Variants in TOP2B observed in about 807,000 individuals in gnomAD.
TOP2B encodes the protein DNA topoisomerase II beta.
In TOP2B, 51 loss-of-function variants were observed where a neutral mutation model predicts 193.5. The observed-to-expected ratio is 0.26, with a 90% CI of 0.21 to 0.33. TOP2B has a LOEUF of 0.33. TOP2B is among the 10% of genes least tolerant of loss of function. TOP2B has a pLI of 1.00. For synonymous variants in TOP2B, 634 were observed against 635.7 expected, an observed-to-expected ratio of 1.00 and a Z score of 0.04; for missense variants, 1,378 against 1,909.3, an observed-to-expected ratio of 0.72 and a Z score of 5.19.
chr3:25,608,304 C>T (rs1702285797), intron 30 of TOP2B, among the ~76,000 whole-genome samples: 1 of 152,132 alleles, frequency 6.6e-6, no homozygotes, highest in Non-Finnish European at 1.5e-5. Context: ...ATTATAATTT[C>T]TAGCATGTAT....
At chr3:25,651,629 A>C (rs1156680227) in intron 1 of TOP2B, among the ~76,000 whole-genome samples, 6 of 151,960 alleles carry the variant, frequency 3.9e-5, no homozygotes, top group South Asian at 2.1e-4. Flanking sequence ...ACTTTGGGAG[A>C]CCAAGGTGGG....
chr3:25,642,628 TACATATTAATCAAA>T (rs760050511), intron 3 of TOP2B, among the ~76,000 whole-genome samples: 29 of 152,164 alleles, frequency 1.9e-4, no homozygotes, highest in Non-Finnish European at 3.7e-4. Context: ...GTTTTAGTGA[TACATATTAATCAAA>T]ACATATTAAG....
intron 1 of TOP2B, among the ~76,000 whole-genome samples, chr3:25,649,703 A>C (rs1156466833): frequency 1.3e-5 from 2 of 152,122 alleles, no homozygotes; most frequent in East Asian, 3.8e-4. Flanking sequence ...TTAGATAAAC[A>C]AACACTGGGA....
chr3:25,623,431 G>T (rs1702715355), intron 21 of TOP2B, 84 bp downstream of exon 21: 1 of 1,235,364 alleles, frequency 8.1e-7, no homozygotes, highest in South Asian at 1.4e-5. Flanking sequence ...AAATAAAAAT[G>T]TTCCATTACT....
intron 34 of TOP2B, 41 bp from the exon 35 acceptor site, chr3:25,599,570 G>A: frequency 1.3e-6 from 2 of 1,554,268 alleles, no homozygotes; most frequent in Non-Finnish European, 1.8e-6. Flanking sequence ...GTGGTTAAGT[G>A]CAATATAAAA....
chr3:25,617,173 A>G (rs1702525404), intron 25 of TOP2B, among the ~76,000 whole-genome samples: 1 of 152,152 alleles, frequency 6.6e-6, no homozygotes, highest in Non-Finnish European at 1.5e-5. Context: ...AGAAATCTTT[A>G]TCTTTTAAGA....
Position 25,664,211 on chromosome 3 carries a change from C to G in TOP2B, c.69+18G>C. The G allele has an allele frequency of 1.3e-6, 2 of 1,539,276 alleles. No individual in the cohort carries two copies. Among genetic ancestry groups the G allele is most frequent in the Non-Finnish European group, 1.7e-6 (2 of 1,146,176 alleles). ...CCCGGAACAATGCAGCCGCCCGTCCCGGGGACCAGCCACTTACCACCCAGG... is the reference window on the plus strand; with the variant it reads ...CCCGGAACAATGCAGCCGCCCGTCCGGGGGACCAGCCACTTACCACCCAGG... On this transcript the variant is annotated intron_variant, in intron 1 of 35. Coordinates refer to ENST00000264331, the MANE Select transcript of TOP2B (RefSeq NM_001330700.2).
chr3:25,608,887 G>A (rs1198808467), intron 30 of TOP2B, among the ~76,000 whole-genome samples: 1 of 152,058 alleles, frequency 6.6e-6, no homozygotes, highest in Non-Finnish European at 1.5e-5. Context: ...AATATTAATA[G>A]ATCTATCATT....
At chr3:25,644,625 C>T (rs1047074759) in intron 2 of TOP2B, among the ~76,000 whole-genome samples, 1 of 143,700 alleles carries the variant, frequency 7.0e-6, no homozygotes, top group Non-Finnish European at 1.5e-5. Context: ...CGTTTGAACC[C>T]AGGAGGCAGA....
intron 4 of TOP2B, among the ~76,000 whole-genome samples, chr3:25,640,701 A>G (rs1292502042): frequency 6.6e-6 from 1 of 151,678 alleles, no homozygotes; most frequent in East Asian, 1.9e-4. Context: ...AAATAAACCA[A>G]GAGCCCTTAT....
At chr3:25,644,962 A>AAT (rs1703373498) in intron 2 of TOP2B, among the ~76,000 whole-genome samples, 1 of 144,652 alleles carries the variant, frequency 6.9e-6, no homozygotes, top group Non-Finnish European at 1.5e-5. Flanking sequence ...CACCCAGAAA[A>AAT]TTTTTTTTTT....
At chr3:25,644,569 C>T (rs1320126807) in intron 2 of TOP2B, among the ~76,000 whole-genome samples, 4 of 150,630 alleles carry the variant, frequency 2.7e-5, no homozygotes, top group Non-Finnish European at 4.4e-5. Flanking sequence ...GGCGTGGTGG[C>T]GCATGCCTGT....
chr3:25,657,293 C>T (rs1351681752), intron 1 of TOP2B, among the ~76,000 whole-genome samples: 1 of 152,134 alleles, frequency 6.6e-6, no homozygotes, highest in Admixed American at 6.5e-5. Context: ...GGGCAACTTA[C>T]CCAGTTAATA....
At position 25,623,562 on chromosome 3, in the gene TOP2B, C is replaced by A; in HGVS notation, c.2680G>T (p.Val894Leu). Residue 894 changes from valine to leucine, a missense_variant, in exon 21 of 36, where the codon GTG (valine) becomes TTG (leucine). Transcript: ENST00000264331. ...TCTAGCATTCGTCTGACATTGTTCA[C>A]AATTTCCCTAGCATCATAGTTGGGT... Reference protein sequence around the residue: ...KLPNYDAREIVNNVRRMLDGL... With the variant: ...KLPNYDAREILNNVRRMLDGL... 6.2e-7 allele frequency: 1 copy of A among 1,613,908 alleles called. No individual in the cohort carries two copies. Among genetic ancestry groups the A allele is most frequent in the Non-Finnish European group, 8.5e-7 (1 of 1,179,868 alleles).
chr3:25,661,699 A>T (rs1032223471), intron 1 of TOP2B, among the ~76,000 whole-genome samples: 2 of 152,228 alleles, frequency 1.3e-5, no homozygotes, highest in Non-Finnish European at 2.9e-5. Flanking sequence ...CAAATCAAAC[A>T]CAAACCAAAT....
chr3:25,628,370 G>A (rs1005813283), intron 15 of TOP2B, among the ~76,000 whole-genome samples: 2 of 72,290 alleles, frequency 2.8e-5, no homozygotes, highest in East Asian at 4.1e-4. Context: ...AGCTACTTGC[G>A]GGGGCTGAGG....
At chr3:25,606,212 T>C in intron 31 of TOP2B, 90 bp from the exon 32 acceptor site, 1 of 614,790 alleles carries the variant, frequency 1.6e-6, no homozygotes, top group Non-Finnish European at 2.6e-6. Flanking sequence ...TACTGCAGGA[T>C]TATAATCACA....
chr3:25,613,018 A>G (rs1702416486), intron 27 of TOP2B, among the ~76,000 whole-genome samples: 1 of 152,240 alleles, frequency 6.6e-6, no homozygotes, highest in South Asian at 2.1e-4. Flanking sequence ...AAGACCTCTG[A>G]TAACCTAGTA....
chr3:25,656,436 A>AAAAT (rs746977610), intron 1 of TOP2B, among the ~76,000 whole-genome samples: 27 of 152,204 alleles, frequency 1.8e-4, no homozygotes, highest in Admixed American at 3.9e-4. Context: ...CTCCATCACA[A>AAAAT]AAATAAATAA....
Sources: allele counts gnomAD v4.1 joint callset (sites outside exome capture counted in the v4.1 genomes callset), GRCh38; gene constraint gnomAD v4.1.1; transcripts MANE v1.5; gene names NCBI Gene and HGNC (gene_info 2026-07-23, HGNC 2026-07-21).